The following PRKDC variants were observed in gnomAD, a reference collection of about 807,000 sequenced individuals.
PRKDC encodes DNA-dependent protein kinase catalytic subunit.
PRKDC carries 82 observed loss-of-function variants against 486.9 expected under a neutral mutation model. The ratio of observed to expected loss-of-function variants is 0.17; its 90% CI spans 0.14 to 0.20. The LOEUF (loss-of-function observed/expected upper bound fraction) is 0.20, where lower values mean the gene tolerates loss of function less well. PRKDC is among the 10% of genes least tolerant of loss of function. The probability of loss-of-function intolerance (pLI) is 1.00; values close to 1 mark genes in which losing one functional copy is unlikely to be tolerated. For missense variants in PRKDC, 4,504 were observed against 5,038.2 expected, an observed-to-expected ratio of 0.89 and a Z score of 3.21; for synonymous variants, 1,895 against 1,837.0, an observed-to-expected ratio of 1.03 and a Z score of -0.81.
Position 47,902,780 on chromosome 8 carries a change from G to T in PRKDC, c.3058C>A (p.Pro1020Thr). The change falls in exon 27 of 86, where the codon CCT becomes ACT. Residue 1020 changes from proline to threonine, a missense_variant. By Grantham distance (38) the Pro-to-Thr change is conservative. Around this residue, in one of 6 missense-constraint regions of PRKDC, gnomAD observed 1,969 missense variants for 2,068.9 expected, o/e 0.95. Transcript: ENST00000314191. ...LEAILDGIVDPVDSTLRDFCG... is the reference protein window; with the variant it reads ...LEAILDGIVDTVDSTLRDFCG... ...AAATCTCTTAAAGTACTGTCAACAG[G>T]GTCCACAATTCCATCCTGAAACAAA... is the stretch of plus-strand genomic sequence containing the variant. 1 of 1,606,524 alleles carries T rather than the reference G, an allele frequency of 6.2e-7. No individual in the cohort carries two copies.
chr8:47,814,557 C>T lies in PRKDC; in HGVS notation c.9557+2893G>A, dbSNP rs184926088. Among the ~76,000 whole-genome samples, 330 of 152,120 alleles carry T rather than the reference C, an allele frequency of 2.2e-3. 2 individuals carry two copies. Among genetic ancestry groups the T allele is most frequent in the African/African-American group, 6.0e-3 (250 of 41,520 alleles). On this transcript the variant is annotated intron_variant, in intron 68 of 85. Coordinates refer to ENST00000314191, the MANE Select transcript of PRKDC (RefSeq NM_006904.7). ...AGCAGCAAATAATTGGAAAATAATACAATTTTAAAAATAAATCCATCTATA... is the reference window on the plus strand; with the variant it reads ...AGCAGCAAATAATTGGAAAATAATATAATTTTAAAAATAAATCCATCTATA...
At chr8:47,786,288 T>C (rs2086789963) in intron 76 of PRKDC, among the ~76,000 whole-genome samples, 1 of 151,596 alleles carries the variant, frequency 6.6e-6, no homozygotes, top group Non-Finnish European at 1.5e-5. Flanking sequence ...GGCACTCGCC[T>C]GTAGTCCCAG....
intron 64 of PRKDC, among the ~76,000 whole-genome samples, chr8:47,823,034 G>T (rs1589721537): frequency 6.6e-6 from 1 of 151,842 alleles, no homozygotes; most frequent in Non-Finnish European, 1.5e-5. Context: ...GATCAATGGG[G>T]GGCAGATCCC....
At chr8:47,948,042 C>T (rs1252271405) in intron 7 of PRKDC, among the ~76,000 whole-genome samples, 1 of 151,716 alleles carries the variant, frequency 6.6e-6, no homozygotes, top group East Asian at 1.9e-4. Flanking sequence ...CATATCACAG[C>T]ACTGCACTAC....
At chr8:47,798,559 G>T (rs556933084) in intron 72 of PRKDC, among the ~76,000 whole-genome samples, 162 bp from the exon 73 acceptor site, 1 of 152,224 alleles carries the variant, frequency 6.6e-6, no homozygotes, top group East Asian at 1.9e-4. Context: ...GTACAGTTTT[G>T]TATCTATCCT....
Position 47,821,753 on chromosome 8 carries a change from C to T in PRKDC, c.8962G>A (p.Glu2988Lys), listed in dbSNP as rs2087601946. The T allele has an allele frequency of 6.3e-7, 1 of 1,594,240 alleles. No individual in the cohort carries two copies. Among genetic ancestry groups the T allele is most frequent in the Non-Finnish European group, 8.5e-7 (1 of 1,171,488 alleles). The part of the protein sequence containing the change: ...KQDWVDGEPT[E>K]AEKDFWELAS... ...AGTTCCCAAAAATCCTTCTCGGCTT[C>T]TGTGGGCTCACCATCTACCCAGTCT... Residue 2988 changes from glutamate (E) to lysine (K), a missense_variant, in exon 65 of 86, where the codon GAA becomes AAA. Transcript: ENST00000314191.
At chr8:47,893,914 C>T (rs1015221213) in intron 30 of PRKDC, among the ~76,000 whole-genome samples, 2 of 152,140 alleles carry the variant, frequency 1.3e-5, no homozygotes, top group African/African-American at 4.8e-5. Flanking sequence ...GCTCTGAAAT[C>T]AGTAGCACTG....
chr8:47,927,161 T>C (rs747193656), intron 21 of PRKDC, 33 bp downstream of exon 21: 11 of 1,597,102 alleles, frequency 6.9e-6, no homozygotes, highest in East Asian at 6.7e-5. Flanking sequence ...CCATTTTAAT[T>C]ACAATACACA....
rs869195900 is a variant in PRKDC at position 47,796,588 on chromosome 8, AT to A, written c.10458+1648del. 6.3e-3 allele frequency among the ~76,000 whole-genome samples: 883 copies of A among 139,416 alleles called. 12 individuals carry two copies. Among genetic ancestry groups the A allele is most frequent in the African/African-American group, 0.02 (768 of 38,062 alleles). 91.5% of individuals were successfully genotyped at this position (139,416 alleles called of 152,430 possible). ...ATATGTGTTGCAAACGTTTTTCTTCATTTTTTTTTTTGTTGTTGTTGTTTTT... is the reference window on the plus strand; with the variant it reads ...ATATGTGTTGCAAACGTTTTTCTTCATTTTTTTTTTGTTGTTGTTGTTTTT... On this transcript the variant is annotated intron_variant, in intron 73 of 85. Transcript: ENST00000314191.
chr8:47,794,285 C>T lies in PRKDC; in HGVS notation c.10670+5G>A, dbSNP rs772875660. 207 of 1,604,070 alleles carry T rather than the reference C, an allele frequency of 1.3e-4. No homozygotes were observed. Among genetic ancestry groups the T allele is most frequent in the Non-Finnish European group, 1.7e-4 (200 of 1,172,870 alleles). On this transcript the variant is annotated splice_donor_5th_base_variant and intron_variant, in intron 74 of 85. Coordinates refer to ENST00000314191, the MANE Select transcript of PRKDC (RefSeq NM_006904.7). ...TCAACCTATTCCTTCTGTAATATTACCTACCTTGCCACAAACTCCTTATTC... is the reference window on the plus strand; with the variant it reads ...TCAACCTATTCCTTCTGTAATATTATCTACCTTGCCACAAACTCCTTATTC...
chr8:47,936,045 G>GTAT (rs1312775172), intron 12 of PRKDC, 145 bp from the exon 13 acceptor site: 1 of 852,452 alleles, frequency 1.2e-6, no homozygotes, highest in Non-Finnish European at 1.7e-6. Flanking sequence ...TGCTTAACAT[G>GTAT]TATTACTGTG....
chr8:47,915,543 T>C (rs188334488), intron 22 of PRKDC, 125 bp from the exon 23 acceptor site: 35 of 579,332 alleles, frequency 6.0e-5, no homozygotes, highest in African/African-American at 4.6e-4. Context: ...TTCCAAACTT[T>C]TTGGCAGGAT....
intron 7 of PRKDC, among the ~76,000 whole-genome samples, chr8:47,951,002 A>G (rs1046788731): frequency 3.3e-5 from 5 of 152,206 alleles, no homozygotes; most frequent in Non-Finnish European, 5.9e-5. Flanking sequence ...AAATAAAAAA[A>G]CTGAACTTTA....
chr8:47,889,905 G>A (rs1002132120), intron 32 of PRKDC, among the ~76,000 whole-genome samples: 1 of 152,032 alleles, frequency 6.6e-6, no homozygotes, highest in African/African-American at 2.4e-5. Context: ...ACATATATGA[G>A]GTAACAGATA....
At chr8:47,950,730 T>C (rs2090614285) in intron 7 of PRKDC, among the ~76,000 whole-genome samples, 1 of 151,858 alleles carries the variant, frequency 6.6e-6, no homozygotes. Flanking sequence ...ATGCCTATAA[T>C]CCCAATGCTT....
chr8:47,956,149 G>A (rs1349945686), intron 3 of PRKDC, among the ~76,000 whole-genome samples: 2 of 152,160 alleles, frequency 1.3e-5, no homozygotes, highest in African/African-American at 4.8e-5. Context: ...ATCACCTGAG[G>A]TCAGGAGTTC....
At chr8:47,814,798 T>C (rs1018271491) in intron 68 of PRKDC, among the ~76,000 whole-genome samples, 5 of 152,224 alleles carry the variant, frequency 3.3e-5, no homozygotes, top group Admixed American at 6.5e-5. Context: ...CAGTTTTTCT[T>C]TATACAAATT....
rs776639457 is a variant in PRKDC at position 47,782,586 on chromosome 8, C to G, written c.11188G>C (p.Ala3730Pro). 2.6e-6 allele frequency: 4 copies of G among 1,558,690 alleles called. No individual in the cohort carries two copies. Among genetic ancestry groups the G allele is most frequent in the Non-Finnish European group, 3.5e-6 (4 of 1,151,324 alleles). Residue 3730 changes from alanine (A) to proline (P), a missense_variant, in exon 79 of 86, where the codon GCG becomes CCG. Ala to Pro is a conservative substitution (Grantham distance 27, BLOSUM62 -1). Coordinates refer to ENST00000314191, the MANE Select transcript of PRKDC (RefSeq NM_006904.7). This position sits in a 1 kb window ranked among gnomAD's most constrained non-coding sequence, Gnocchi z 4.9. ...AGFDERVTVMASLRRPKRIII... is the reference protein window; with the variant it reads ...AGFDERVTVMPSLRRPKRIII... ...ATGCGCTTGGGCCTTCGCAGAGACGCCATGACTGTCACCTTCAAAAATCAG... is the reference window on the plus strand; with the variant it reads ...ATGCGCTTGGGCCTTCGCAGAGACGGCATGACTGTCACCTTCAAAAATCAG...
intron 22 of PRKDC, among the ~76,000 whole-genome samples, chr8:47,917,969 C>T (rs570181750): frequency 1.1e-3 from 167 of 152,232 alleles, no homozygotes; most frequent in African/African-American, 3.6e-3. Flanking sequence ...CTCAGCCTCC[C>T]AAGTAGCTGG....
Sources: gnomAD v4.1 joint callset for allele counts (sites outside exome capture counted in the v4.1 genomes callset) on GRCh38, gnomAD v4.1.1 for gene constraint, gnomAD v4.1.1 regional missense constraint, Gnocchi (gnomAD v3.1) non-coding constraint, MANE v1.5 for transcripts, NCBI Gene and HGNC (gene_info 2026-07-23, HGNC 2026-07-21) for gene names.